The following PCGF3 variants were observed in gnomAD, a reference collection of about 807,000 sequenced individuals.
PCGF3 encodes the protein polycomb group RING finger protein 3.
PCGF3 carries 7 observed loss-of-function variants against 33.1 expected under a neutral mutation model. That is an observed-to-expected ratio of 0.21 (90% CI 0.12 to 0.40). The LOEUF is 0.40. Ranked by LOEUF, PCGF3 falls within the 10% of genes least tolerant of loss-of-function variation. The pLI, the probability that PCGF3 is intolerant of heterozygous loss-of-function variation, is 1.00. For synonymous variants in PCGF3, 153 were observed against 121.3 expected, an observed-to-expected ratio of 1.26 and a Z score of -1.72; for missense variants, 211 against 313.3, an observed-to-expected ratio of 0.67 and a Z score of 2.46.
At chr4:749,150 A>C (rs564820615) in intron 8 of PCGF3, among the ~76,000 whole-genome samples, 53 of 152,324 alleles carry the variant, frequency 3.5e-4, no homozygotes, top group African/African-American at 1.3e-3. Context: ...TTTTAAATTG[A>C]TCAAATATTG....
Position 755,354 on chromosome 4 carries a change from C to T in PCGF3, c.463-5925C>T, listed in dbSNP as rs530126025. On this transcript the variant is annotated intron_variant, in intron 8 of 10. Coordinates refer to ENST00000362003, the Ensembl canonical transcript of PCGF3. ...GGGTGTCCAGCGACTCATCGCACGTCTCTGGGCTCCTCTGCGTGTGAGTTG... is the reference window on the plus strand; with the variant it reads ...GGGTGTCCAGCGACTCATCGCACGTTTCTGGGCTCCTCTGCGTGTGAGTTG... Among the ~76,000 whole-genome samples, 3 of 152,220 alleles carry T rather than the reference C, an allele frequency of 2.0e-5. No individual in the cohort carries two copies. The South Asian group carries it at 6.2e-4, about 32-fold the overall frequency.
At chr4:733,443 G>T (rs1466773165) in intron 3 of PCGF3, among the ~76,000 whole-genome samples, 1 of 152,204 alleles carries the variant, frequency 6.6e-6, no homozygotes, top group Non-Finnish European at 1.5e-5. Context: ...AGCCAGTGCG[G>T]GGGAGCCGGG....
rs1354309007 is a variant in PCGF3, at chr4:761,478, C to CAA, written c.600+63_600+64dup. 4.1e-6 allele frequency: 6 copies of CAA among 1,475,292 alleles called. No individual in the cohort carries two copies. The East Asian group carries it at 1.5e-4, about 36-fold the overall frequency. The allele number at this position is 1,475,292 out of a possible 1,614,324, so 91.4% of individuals were successfully genotyped here. A position where few individuals can be genotyped will look rare whatever the true frequency, so the allele number is the denominator to read the frequency against. Reference sequence around the variant, plus strand: ...CCTCTCTTATTTCTAAAGGTAACTCCAAGATTCTTTGCTTAGTTTTGTTTT... The same window carrying CAA: ...CCTCTCTTATTTCTAAAGGTAACTCCAAAAGATTCTTTGCTTAGTTTTGTTTT... On this transcript the variant is annotated intron_variant, in intron 9 of 10. Coordinates refer to ENST00000362003, the Ensembl canonical transcript of PCGF3.
rs1435722252 is a variant in PCGF3 at position 713,190 on chromosome 4, G to C, written c.-190+7220G>C. Among the ~76,000 whole-genome samples the C allele has an allele frequency of 2.2e-5, 3 of 137,162 alleles. No individual in the cohort carries two copies. In the East Asian group the frequency reaches 6.6e-4, roughly 30 times the overall value. 90.0% of individuals were successfully genotyped at this position (137,162 alleles called of 152,430 possible). On this transcript the variant is annotated intron_variant, in intron 1 of 10. Coordinates refer to ENST00000362003, the Ensembl canonical transcript of PCGF3. The stretch of plus-strand genomic sequence containing the variant: ...GGCGTCATGGGGGCTGTGGCCTTGT[G>C]GGTCCTGTGTGGCCTGGTGGGGGCT...
At chr4:756,608 C>T (rs1236570387) in intron 8 of PCGF3, among the ~76,000 whole-genome samples, 1 of 151,930 alleles carries the variant, frequency 6.6e-6, no homozygotes, top group African/African-American at 2.4e-5. Context: ...TTTTTTTTAA[C>T]CAGCTTTCTA....
At chr4:761,874 G>A (rs1745079490) in intron 9 of PCGF3, 2 of 985,310 alleles carry the variant, frequency 2.0e-6, no homozygotes, top group Non-Finnish European at 2.4e-6. Context: ...CCAAGGCAGT[G>A]ACACCATGGG....
intron 3 of PCGF3, among the ~76,000 whole-genome samples, chr4:731,584 C>CA (rs35758218): frequency 8.1e-4 from 73 of 90,338 alleles, no homozygotes; most frequent in East Asian, 1.7e-3. Flanking sequence ...GCGTGGTCCT[C>CA]GGGCATAGGG....
Position 743,576 on chromosome 4 carries a change from A to G in PCGF3, c.365A>G (p.His122Arg), listed in dbSNP as rs34993692. 2.1e-5 allele frequency: 34 copies of G among 1,598,290 alleles called. No homozygotes were observed. The African/African-American group carries it at 3.8e-4, about 18-fold the overall frequency. ...TCTGCAAAACAGCACTTAGATTCCCATCGGAATGGTGAGTGCCCTGCGTGC... is the reference window on the plus strand; with the variant it reads ...TCTGCAAAACAGCACTTAGATTCCCGTCGGAATGGTGAGTGCCCTGCGTGC... The change falls in exon 7 of 11, where the codon CAT becomes CGT. Residue 122 changes from histidine to arginine, a missense_variant. His to Arg is a conservative substitution (Grantham distance 29, BLOSUM62 0). Transcript: ENST00000362003.
At chr4:711,718 A>G (rs1742579016) in intron 1 of PCGF3, among the ~76,000 whole-genome samples, 1 of 151,660 alleles carries the variant, frequency 6.6e-6, no homozygotes, top group Non-Finnish European at 1.5e-5. Flanking sequence ...CGGCCTCCCA[A>G]AGTGCTGGGA....
At chr4:748,291 C>T (rs1396347375) in intron 8 of PCGF3, among the ~76,000 whole-genome samples, 2 of 151,978 alleles carry the variant, frequency 1.3e-5, no homozygotes, top group African/African-American at 2.4e-5. Context: ...CCTCTGCCTC[C>T]TGGGTTCAAG....
chr4:769,729 C>G (rs1214144787), exon 11 of PCGF3: 1 of 152,656 alleles, frequency 6.6e-6, no homozygotes, highest in Admixed American at 6.5e-5. Flanking sequence ...GCGTAGCCTC[C>G]GTGTAAATGT....
chr4:732,281 G>C (rs1049547656), intron 3 of PCGF3: 1 of 147,804 alleles, frequency 6.8e-6, no homozygotes, highest in Non-Finnish European at 1.5e-5. Flanking sequence ...GTCAGGGCGC[G>C]GGGTGGGGCT....
intron 1 of PCGF3, among the ~76,000 whole-genome samples, chr4:718,311 C>A (rs935296432): frequency 1.3e-5 from 2 of 152,030 alleles, no homozygotes; most frequent in Non-Finnish European, 2.9e-5. Flanking sequence ...CGCCCCCGAG[C>A]TCCCTGGGTA....
chr4:748,339 A>C (rs968807779), intron 8 of PCGF3, among the ~76,000 whole-genome samples: 1 of 152,022 alleles, frequency 6.6e-6, no homozygotes, highest in Non-Finnish European at 1.5e-5. Context: ...AGCTGGGACT[A>C]CAGGCACCTG....
chr4:720,599 C>T lies in PCGF3; in HGVS notation c.-189-10031C>T, dbSNP rs906151557. Among the ~76,000 whole-genome samples, 2 of 149,428 alleles carry T rather than the reference C, an allele frequency of 1.3e-5. No individual in the cohort carries two copies. Among genetic ancestry groups the T allele is most frequent in the African/African-American group, 2.5e-5 (1 of 40,360 alleles). ...CCCCACGTGGACGGGCAGTGACGTGCGTGTGGACCCGGGGTGGACGGGCGG... is the reference window on the plus strand; with the variant it reads ...CCCCACGTGGACGGGCAGTGACGTGTGTGTGGACCCGGGGTGGACGGGCGG... On this transcript the variant is annotated intron_variant, in intron 1 of 10. Transcript: ENST00000362003. The surrounding 1 kb of genome is among the most constrained non-coding windows in gnomAD (Gnocchi z 5.6).
chr4:744,527 A>T, intron 7 of PCGF3, 73 bp from the exon 8 acceptor site: 1 of 1,093,774 alleles, frequency 9.1e-7, no homozygotes, highest in Non-Finnish European at 1.4e-6. Context: ...CGGCATTTGG[A>T]GTACAGTGTA....
chr4:753,590 C>T lies in PCGF3; in HGVS notation c.463-7689C>T, dbSNP rs140761841. 5.0e-3 allele frequency among the ~76,000 whole-genome samples: 765 copies of T among 151,666 alleles called. 4 individuals are homozygous for T. The highest frequency in any genetic ancestry group is 7.7e-3 in the Non-Finnish European group (524 of 67,910). ...CCCGGGAGGCAGAGCTTGCAGTGAG[C>T]CGAGATCACGCCACTGCACTCCAGC... On this transcript the variant is annotated intron_variant, in intron 8 of 10. Transcript: ENST00000362003.
chr4:733,566 C>T, intron 3 of PCGF3, 106 bp from the exon 4 acceptor site: 9 of 1,161,304 alleles, frequency 7.7e-6, no homozygotes, highest in Non-Finnish European at 1.1e-5. Flanking sequence ...GCCACCCAGG[C>T]CTCAGGGCCT....
At chr4:709,080 A>G (rs1742454112) in intron 1 of PCGF3, among the ~76,000 whole-genome samples, 1 of 152,190 alleles carries the variant, frequency 6.6e-6, no homozygotes, top group Non-Finnish European at 1.5e-5. Context: ...TCCTTTGACT[A>G]GGGAAGGGTT....
Sources: allele counts gnomAD v4.1 joint callset (sites outside exome capture counted in the v4.1 genomes callset), GRCh38; gene constraint gnomAD v4.1.1; non-coding constraint Gnocchi (gnomAD v3.1); transcripts MANE v1.5; gene names NCBI Gene and HGNC (gene_info 2026-07-23, HGNC 2026-07-21).